The following AUTS2 variants were observed in gnomAD, a reference collection of about 807,000 sequenced individuals.
AUTS2 encodes the protein activator of transcription and developmental regulator AUTS2, also known as autism susceptibility gene 2 protein.
Under a neutral mutation model 112.4 loss-of-function variants are expected in AUTS2, and 17 were observed. That is an observed-to-expected ratio of 0.15 (90% CI 0.10 to 0.23). The LOEUF is 0.23. Ranked by LOEUF, AUTS2 falls within the 10% of genes least tolerant of loss-of-function variation. The pLI is 1.00. For synonymous variants in AUTS2, 751 were observed against 702.7 expected (o/e 1.07, Z -1.09); for missense variants, 1,510 against 1,701.6 (o/e 0.89, Z 1.98).
chr7:69,814,814 C>A (rs773091970), intron 1 of AUTS2, among the ~76,000 whole-genome samples: 10 of 152,304 alleles, frequency 6.6e-5, no homozygotes, highest in Middle Eastern at 3.4e-3. Context: ...GAGGGCTGAC[C>A]TCTTTATGCT....
intron 4 of AUTS2, among the ~76,000 whole-genome samples, chr7:70,307,830 A>C: frequency 6.6e-6 from 1 of 152,146 alleles, no homozygotes; most frequent in East Asian, 1.9e-4. Flanking sequence ...ATATAACCTT[A>C]GCTTTGAAAC....
chr7:70,533,728 GA>G (rs1300524139), intron 5 of AUTS2, among the ~76,000 whole-genome samples: 2 of 152,238 alleles, frequency 1.3e-5, no homozygotes, highest in East Asian at 3.9e-4. Context: ...GTCAGACAAA[GA>G]GTTGGATGCT....
At chr7:69,703,756 G>C (rs1797930183) in intron 1 of AUTS2, among the ~76,000 whole-genome samples, 2 of 152,128 alleles carry the variant, frequency 1.3e-5, no homozygotes, top group Non-Finnish European at 2.9e-5. Context: ...AAAAATAAAA[G>C]CTCTCTGCAG....
At chr7:69,938,338 C>G (rs897252638) in intron 2 of AUTS2, among the ~76,000 whole-genome samples, 2 of 152,204 alleles carry the variant, frequency 1.3e-5, no homozygotes, top group African/African-American at 4.8e-5. Context: ...AATGCCTACA[C>G]CTTACCAAAC....
At chr7:69,838,800 C>T (rs1370542197) in intron 1 of AUTS2, among the ~76,000 whole-genome samples, 1 of 152,108 alleles carries the variant, frequency 6.6e-6, no homozygotes, top group African/African-American at 2.4e-5. Flanking sequence ...TTATTCAGCC[C>T]TTGCTGTGGC....
chr7:69,774,277 G>A (rs1260096859), intron 1 of AUTS2, among the ~76,000 whole-genome samples: 1 of 152,204 alleles, frequency 6.6e-6, no homozygotes, highest in Admixed American at 6.5e-5. Flanking sequence ...GTATGTGCCT[G>A]TAGTCCCAGC....
intron 5 of AUTS2, among the ~76,000 whole-genome samples, chr7:70,686,796 G>C (rs970393468): frequency 6.6e-6 from 1 of 152,194 alleles, no homozygotes; most frequent in Admixed American, 6.5e-5. Flanking sequence ...GTCTCCCAAA[G>C]TGCTAGGACC....
intron 4 of AUTS2, among the ~76,000 whole-genome samples, chr7:70,385,563 A>G (rs1440568172): frequency 6.6e-6 from 1 of 152,104 alleles, no homozygotes; most frequent in Non-Finnish European, 1.5e-5. Flanking sequence ...GTCTCATGAG[A>G]CCAAGGACTT....
intron 1 of AUTS2, among the ~76,000 whole-genome samples, chr7:69,742,956 G>A (rs1461073635): frequency 3.3e-5 from 5 of 152,138 alleles, no homozygotes; most frequent in Non-Finnish European, 7.3e-5. Flanking sequence ...CAGAAAAGAT[G>A]GGGTATCTCC....
intron 4 of AUTS2, among the ~76,000 whole-genome samples, chr7:70,366,061 T>C (rs1426757276): frequency 6.6e-6 from 1 of 152,206 alleles, no homozygotes; most frequent in Non-Finnish European, 1.5e-5. Flanking sequence ...AAGAAACTTA[T>C]GTTTCAGTAA....
intron 6 of AUTS2, among the ~76,000 whole-genome samples, chr7:70,721,168 C>G (rs1372591734): frequency 1.3e-5 from 2 of 151,814 alleles, no homozygotes; most frequent in African/African-American, 4.8e-5. Context: ...TACGTTCTCT[C>G]TAGTGGGCCC....
chr7:70,274,433 C>T (rs1374671517), intron 4 of AUTS2, among the ~76,000 whole-genome samples: 2 of 151,976 alleles, frequency 1.3e-5, no homozygotes, highest in Non-Finnish European at 2.9e-5. Flanking sequence ...TAGCCTGGAC[C>T]TCAGGCATGC....
rs1415102325 is a variant in AUTS2, at chr7:70,208,001, A to C, written c.660+73430A>C. Among the ~76,000 whole-genome samples the C allele has an allele frequency of 4.2e-5, 6 of 143,054 alleles. No homozygotes were observed. In the East Asian group the frequency reaches 1.0e-3, roughly 24 times the overall value. The allele number at this position is 143,054 out of a possible 152,430, so 93.8% of individuals were successfully genotyped here. A position where few individuals can be genotyped will look rare whatever the true frequency, so the allele number is the denominator to read the frequency against. Reference sequence around the variant, plus strand: ...ACTCCAGCCTGGGCAACAAGAGTGAAACTCCATCTCAAAAAAAAAAAAAAA... The same window carrying C: ...ACTCCAGCCTGGGCAACAAGAGTGACACTCCATCTCAAAAAAAAAAAAAAA... On this transcript the variant is annotated intron_variant, in intron 4 of 18. Transcript: ENST00000342771.
intron 5 of AUTS2, among the ~76,000 whole-genome samples, chr7:70,471,033 C>T (rs1233274368): frequency 6.6e-6 from 1 of 152,154 alleles, no homozygotes; most frequent in African/African-American, 2.4e-5. Context: ...GCCAAGCGAG[C>T]CGGGCTCTTC....
At position 69,977,976 on chromosome 7, in the gene AUTS2, T is replaced by G. The variant is rs75628221; in HGVS notation, c.522+78478T>G. On this transcript the variant is annotated intron_variant, in intron 2 of 18. Transcript: ENST00000342771. ...GTTGAGGGATTTTAGTTGTACTTAG[T>G]GTGGATAATAGGGAAAAGTATGTCT... Among the ~76,000 whole-genome samples the G allele has an allele frequency of 7.6e-3, 1,156 of 152,256 alleles. 15 individuals carry two copies. The highest frequency in any genetic ancestry group is 0.026 in the African/African-American group (1,098 of 41,542).
chr7:69,960,893 T>C (rs191307915), intron 2 of AUTS2, among the ~76,000 whole-genome samples: 3 of 152,234 alleles, frequency 2.0e-5, no homozygotes, highest in East Asian at 1.9e-4. Context: ...GTGTGGTATA[T>C]TGATTTGCAC....
chr7:70,781,440 G>A (rs992955461), intron 14 of AUTS2, 175 bp from the exon 15 acceptor site: 2 of 648,302 alleles, frequency 3.1e-6, no homozygotes. Flanking sequence ...GGCACTACCG[G>A]CCTGCAGATC....
chr7:69,842,612 G>A (rs1004472901), intron 1 of AUTS2, among the ~76,000 whole-genome samples: 5 of 152,210 alleles, frequency 3.3e-5, no homozygotes, highest in African/African-American at 1.2e-4. Context: ...AGTTTCAAAA[G>A]TAGTTTACTT....
chr7:70,460,558 C>T (rs1796922955), intron 5 of AUTS2, among the ~76,000 whole-genome samples: 1 of 151,798 alleles, frequency 6.6e-6, no homozygotes, highest in African/African-American at 2.4e-5. Context: ...ACCATGTTGG[C>T]CAGGCTGGTC....
Sources: gnomAD v4.1 joint callset for allele counts (sites outside exome capture counted in the v4.1 genomes callset) on GRCh38, gnomAD v4.1.1 for gene constraint, MANE v1.5 for transcripts, NCBI Gene and HGNC (gene_info 2026-07-23, HGNC 2026-07-21) for gene names.